The following TNRC18 variants were observed in gnomAD, a reference collection of about 807,000 sequenced individuals.
TNRC18 encodes the protein trinucleotide repeat containing 18.
In TNRC18, 69 loss-of-function variants were observed where a neutral mutation model predicts 226.7. The ratio of observed to expected loss-of-function variants is 0.30; its 90% CI spans 0.25 to 0.37. The LOEUF is 0.37. Ranked by LOEUF, TNRC18 falls within the 10% of genes least tolerant of loss-of-function variation. The pLI is 1.00. For missense variants in TNRC18, 4,754 were observed against 4,256.6 expected, an observed-to-expected ratio of 1.12 and a Z score of -3.25; for synonymous variants, 2,449 against 1,927.6, an observed-to-expected ratio of 1.27 and a Z score of -7.09.
intron 18 of TNRC18, among the ~76,000 whole-genome samples, chr7:5,345,224 C>T (rs1278525041): frequency 1.3e-5 from 2 of 152,226 alleles, no homozygotes; most frequent in African/African-American, 4.8e-5. Flanking sequence ...GTGTCACCAA[C>T]CTGGAGTGGC....
chr7:5,345,685 C>G lies in TNRC18; in HGVS notation c.5596G>C (p.Gly1866Arg). ...LSPGLEESGL[G>R]LLARFAASAL... ...CTGGCGGCGAAGCGTGCCAGCAGGC[C>G]CAGCCCACTCTCCTCCAGGCCCGGT... The change falls in exon 18 of 30, where the codon GGC (glycine) becomes CGC (arginine). Residue 1866 changes from glycine to arginine, a missense_variant. Gly to Arg is a moderately radical substitution (Grantham distance 125, BLOSUM62 -2). Coordinates refer to ENST00000430969, the MANE Select transcript of TNRC18 (RefSeq NM_001080495.3). The G allele has an allele frequency of 3.2e-6, 5 of 1,549,994 alleles. No homozygotes were observed. The highest frequency in any genetic ancestry group is 4.4e-6 in the Non-Finnish European group (5 of 1,147,036).
At chr7:5,322,326 T>A (rs117859674) in intron 21 of TNRC18, among the ~76,000 whole-genome samples, 2,026 of 147,692 alleles carry the variant, frequency 0.014, 22 homozygotes, top group South Asian at 0.025. Flanking sequence ...AGAGACAAGG[T>A]CTTGCTTTGT....
intron 5 of TNRC18, among the ~76,000 whole-genome samples, chr7:5,380,345 C>G (rs1779312966): frequency 6.6e-6 from 1 of 152,248 alleles, no homozygotes; most frequent in Non-Finnish European, 1.5e-5. Flanking sequence ...ACTTAGGAGG[C>G]TGAGGCAGGA....
intron 15 of TNRC18, among the ~76,000 whole-genome samples, chr7:5,357,673 G>A (rs981986585): frequency 1.3e-5 from 2 of 152,130 alleles, no homozygotes; most frequent in African/African-American, 4.8e-5. Flanking sequence ...TATTTTTGTA[G>A]AGCTGGGGTT....
chr7:5,349,315 GAGTTGTCCACACCTGAGGCAATGC>G (rs1791537726), intron 17 of TNRC18, among the ~76,000 whole-genome samples: 1 of 152,238 alleles, frequency 6.6e-6, no homozygotes, highest in Admixed American at 6.5e-5. Flanking sequence ...AACCTTTCTG[GAGTTGTCCACACCTGAGGCAATGC>G]AGCTTGCCGA....
intron 16 of TNRC18, among the ~76,000 whole-genome samples, chr7:5,352,433 C>T (rs984783440): frequency 6.6e-6 from 1 of 152,214 alleles, no homozygotes; most frequent in Non-Finnish European, 1.5e-5. Flanking sequence ...AGGAAGGTCA[C>T]GGTGGTCACT....
intron 5 of TNRC18, among the ~76,000 whole-genome samples, chr7:5,381,773 C>A (rs10258331): frequency 6.6e-6 from 1 of 152,044 alleles, no homozygotes; most frequent in African/African-American, 2.4e-5. Flanking sequence ...CAAGACCAGC[C>A]TGGCTAACAT....
chr7:5,343,564 A>T (rs183804684), intron 18 of TNRC18, among the ~76,000 whole-genome samples: 1 of 152,178 alleles, frequency 6.6e-6, no homozygotes, highest in African/African-American at 2.4e-5. Flanking sequence ...CTGGGACCAG[A>T]GGCGCATGCT....
rs539758666 is a variant in TNRC18, at chr7:5,361,447, G to A, written c.4661+147C>T. On this transcript the variant is annotated intron_variant, in intron 14 of 29. Transcript: ENST00000430969. ...CCTCCTGGCCCGGGCAGCACAGGCC[G>A]TGCTCCCCGAGGGCCACTGCTGCGG... 7.8e-5 allele frequency: 78 copies of A among 996,270 alleles called. 1 individual carries two copies. The Middle Eastern group carries it at 1.0e-3, about 13-fold the overall frequency. 61.7% of individuals were successfully genotyped at this position (996,270 alleles called of 1,614,324 possible).
chr7:5,397,187 C>A (rs1366804150), intron 2 of TNRC18, among the ~76,000 whole-genome samples: 1 of 152,152 alleles, frequency 6.6e-6, no homozygotes, highest in African/African-American at 2.4e-5. Flanking sequence ...CCATGCGGCC[C>A]AAGCCGGGGC....
chr7:5,384,611 C>T (rs1779628547), intron 5 of TNRC18, among the ~76,000 whole-genome samples: 1 of 152,110 alleles, frequency 6.6e-6, no homozygotes, highest in African/African-American at 2.4e-5. Flanking sequence ...ACCGTGAGCC[C>T]CCAACAAAGG....
intron 18 of TNRC18, 45 bp downstream of exon 18, chr7:5,345,517 G>GGGGGGCGCCCCCCCCCCCCCCC: frequency 2.6e-6 from 1 of 377,744 alleles, no homozygotes. Flanking sequence ...AATGGCGTCC[G>GGGGGGCGCCCCCCCCCCCCCCC]CCCCTCCCAC....
chr7:5,327,630 T>C (rs966627839), intron 19 of TNRC18, among the ~76,000 whole-genome samples: 11 of 151,892 alleles, frequency 7.2e-5, no homozygotes, highest in African/African-American at 2.2e-4. Context: ...AAGGCCTGAA[T>C]GGATTTTTCT....
Position 5,377,024 on chromosome 7 carries a change from G to T in TNRC18, c.2462-31C>A. On this transcript the variant is annotated intron_variant, in intron 7 of 29. Coordinates refer to ENST00000430969, the MANE Select transcript of TNRC18 (RefSeq NM_001080495.3). This position sits in a 1 kb window ranked among gnomAD's most constrained non-coding sequence, Gnocchi z 5.8. ...AGGAGAAGCCCAGGCCTGAGTCAGT[G>T]CTGGGAGCCCCCAAGCGGTTTGTCC... 1 of 1,554,124 alleles carries T rather than the reference G, an allele frequency of 6.4e-7. No individual in the cohort carries two copies. The highest frequency in any genetic ancestry group is 8.7e-7 in the Non-Finnish European group (1 of 1,151,124).
At chr7:5,376,795 C>T (rs73055894) in intron 8 of TNRC18, 52 bp downstream of exon 8, 49,264 of 1,582,270 alleles carry the variant, frequency 0.031, 908 homozygotes, top group Non-Finnish European at 0.038. Flanking sequence ...GAGACCATCT[C>T]GCTGGGCATG....
chr7:5,345,057 C>G (rs1791027086), intron 18 of TNRC18, among the ~76,000 whole-genome samples: 1 of 152,202 alleles, frequency 6.6e-6, no homozygotes, highest in Non-Finnish European at 1.5e-5. Context: ...CACATGAGGC[C>G]TGTCCCACCC....
At chr7:5,414,659 G>A (rs1339986397) in intron 2 of TNRC18, among the ~76,000 whole-genome samples, 4 of 152,158 alleles carry the variant, frequency 2.6e-5, no homozygotes, top group South Asian at 2.1e-4. Context: ...TGATCCACCC[G>A]CCTCAGCCTC....
intron 27 of TNRC18, among the ~76,000 whole-genome samples, chr7:5,311,390 G>A (rs1364999772): frequency 6.6e-6 from 1 of 152,260 alleles, no homozygotes; most frequent in African/African-American, 2.4e-5. Flanking sequence ...ACTCAGGGGT[G>A]GGCACATGAT....
At chr7:5,400,451 A>C (rs926415492) in intron 2 of TNRC18, among the ~76,000 whole-genome samples, 17 of 152,036 alleles carry the variant, frequency 1.1e-4, no homozygotes, top group Non-Finnish European at 2.5e-4. Flanking sequence ...CTCTATTTAA[A>C]ATACAAAAAT....
Sources: allele counts gnomAD v4.1 joint callset (sites outside exome capture counted in the v4.1 genomes callset), GRCh38; gene constraint gnomAD v4.1.1; non-coding constraint Gnocchi (gnomAD v3.1); transcripts MANE v1.5; gene names NCBI Gene and HGNC (gene_info 2026-07-23, HGNC 2026-07-21).